MAP4: variants seen among roughly 807,000 people sequenced by gnomAD.
MAP4 encodes microtubule-associated protein 4.
A neutral mutation model predicts 170.2 loss-of-function variants in MAP4; 76 were observed. That is an observed-to-expected ratio of 0.45 (90% CI 0.37 to 0.54). MAP4 has a LOEUF of 0.54. Ranked by LOEUF, MAP4 falls within the 20% of genes least tolerant of loss-of-function variation. MAP4 has a pLI of 0.00. For synonymous variants in MAP4, 909 were observed against 994.5 expected (o/e 0.91, Z 1.62); for missense variants, 2,506 against 2,748.0 (o/e 0.91, Z 1.97).
At chr3:47,870,353 ACC>A (rs2089393082) in intron 15 of MAP4, among the ~76,000 whole-genome samples, 4 of 152,044 alleles carry the variant, frequency 2.6e-5, no homozygotes, top group Non-Finnish European at 5.9e-5. Context: ...ATAAGAGGAC[ACC>A]CTAGTCCTCT....
chr3:47,882,331 G>T (rs1425247442), intron 10 of MAP4, among the ~76,000 whole-genome samples: 2 of 151,864 alleles, frequency 1.3e-5, no homozygotes, highest in African/African-American at 4.8e-5. Context: ...GCTATGTTAA[G>T]GCTTAAGTCT....
At chr3:47,973,840 G>A in intron 3 of MAP4, 1 of 985,348 alleles carries the variant, frequency 1.0e-6, no homozygotes, top group Non-Finnish European at 1.2e-6. Flanking sequence ...AAGGGAAAGG[G>A]TTGTGTTTTC....
chr3:48,019,934 C>A (rs2100109756), upstream of MAP4, among the ~76,000 whole-genome samples: 1 of 152,334 alleles, frequency 6.6e-6, no homozygotes, highest in African/African-American at 2.4e-5. Context: ...AAGTTTCACT[C>A]TATTTTATAT....
intron 3 of MAP4, among the ~76,000 whole-genome samples, chr3:47,932,454 C>A (rs1228968146): frequency 1.3e-5 from 2 of 152,142 alleles, no homozygotes; most frequent in Non-Finnish European, 2.9e-5. Context: ...AGTAGAACTG[C>A]TGGGTCATAA....
At chr3:48,055,661 G>A (rs2100130726) in intron 1 of MAP4, among the ~76,000 whole-genome samples, 3 of 90,182 alleles carry the variant, frequency 3.3e-5, no homozygotes, top group African/African-American at 9.0e-5. Context: ...CTGCCTGGCC[G>A]CCCATCGTCT....
chr3:47,953,637 G>C lies in MAP4; in HGVS notation c.292+24228C>G, dbSNP rs532135935. ...GGCAATTCAAAAACTTAGGGAGATA[G>C]AAATGTTGGAATGGATTTTTCATGT... On this transcript the variant is annotated intron_variant, in intron 3 of 20. Coordinates refer to ENST00000683076, the MANE Select transcript of MAP4 (RefSeq NM_001385682.1). Among the ~76,000 whole-genome samples, 7 of 152,320 alleles carry C rather than the reference G, an allele frequency of 4.6e-5. No individual in the cohort carries two copies. In the South Asian group the frequency reaches 1.2e-3, roughly 27 times the overall value.
At chr3:47,930,047 C>G (rs1057385776) in intron 3 of MAP4, among the ~76,000 whole-genome samples, 4 of 151,966 alleles carry the variant, frequency 2.6e-5, no homozygotes, top group African/African-American at 9.6e-5. Context: ...GGATAATCAC[C>G]TGAGCCTGGG....
In MAP4 at chr3:47,927,914, C is replaced by T. The variant is rs1192675404; in HGVS notation, c.415+314G>A. Among the ~76,000 whole-genome samples, 6 of 152,202 alleles carry T rather than the reference C, an allele frequency of 3.9e-5. No homozygotes were observed. In the South Asian group the frequency reaches 8.3e-4, roughly 21 times the overall value. On this transcript the variant is annotated intron_variant, in intron 4 of 20. Transcript: ENST00000683076. ...TAGCACTGTGCCTGGCACAGAACAG[C>T]ACTGGTTTAACATTACCATAATAAT...
chr3:48,041,901 G>T (rs1176139589), intron 1 of MAP4, among the ~76,000 whole-genome samples: 2 of 152,168 alleles, frequency 1.3e-5, no homozygotes, highest in East Asian at 3.8e-4. Flanking sequence ...TGTGGTACTA[G>T]TATAAGCACA....
intron 3 of MAP4, among the ~76,000 whole-genome samples, chr3:47,959,939 TG>T (rs995118158): frequency 6.6e-6 from 1 of 152,038 alleles, no homozygotes; most frequent in Non-Finnish European, 1.5e-5. Context: ...CTTGGTTCAA[TG>T]AAACCTCTGC....
chr3:47,872,136 C>G, intron 12 of MAP4, 36 bp from the exon 13 acceptor site: 1 of 1,553,420 alleles, frequency 6.4e-7, no homozygotes. Flanking sequence ...GCCTGCAGGT[C>G]AGCAATAGCC....
intron 3 of MAP4, among the ~76,000 whole-genome samples, chr3:47,934,193 C>T (rs964587029): frequency 2.0e-5 from 3 of 152,180 alleles, no homozygotes; most frequent in Non-Finnish European, 2.9e-5. Flanking sequence ...ACTGAATCAA[C>T]AGCACCACAA....
intron 10 of MAP4, among the ~76,000 whole-genome samples, chr3:47,885,730 C>CTT (rs1163508790): frequency 5.1e-5 from 7 of 138,474 alleles, no homozygotes; most frequent in East Asian, 2.1e-4. Context: ...CGCCTTTGTT[C>CTT]TTTTTTTTTT....
At chr3:48,050,572 T>A (rs1481762905) in intron 1 of MAP4, among the ~76,000 whole-genome samples, 2 of 151,712 alleles carry the variant, frequency 1.3e-5, no homozygotes, top group Non-Finnish European at 2.9e-5. Context: ...ATTATCTGAT[T>A]TTCTTAGTGT....
intron 1 of MAP4, among the ~76,000 whole-genome samples, chr3:48,029,722 G>A (rs1025311320): frequency 1.8e-4 from 28 of 151,978 alleles, no homozygotes; most frequent in Admixed American, 1.8e-3. Flanking sequence ...GAGGTAGGTC[G>A]GGCACGGTGG....
At chr3:47,898,119 T>C (rs1272510673) in intron 10 of MAP4, among the ~76,000 whole-genome samples, 1 of 152,162 alleles carries the variant, frequency 6.6e-6, no homozygotes, top group Non-Finnish European at 1.5e-5. Context: ...TTCATGTGGC[T>C]TCTGAGTAGG....
rs1344615367 is a variant in MAP4, at chr3:47,910,176, T to C, written c.4245A>G (p.Thr1415=). ...MAYMDENRNI[T]FTCPRTPSEL... is the part of the protein sequence containing the mutation. The stretch of plus-strand genomic sequence containing the variant: ...CTGATGGTGTTCTGGGACAGGTAAA[T>C]GTAATATTTCTATTTTCGTCCATAT... Residue 1415 remains threonine (T), a synonymous_variant, in exon 9 of 21, where the codon ACA becomes ACG. Transcript: ENST00000683076. The C allele has an allele frequency of 1.2e-6, 2 of 1,613,840 alleles. No individual in the cohort carries two copies. Among genetic ancestry groups the C allele is most frequent in the African/African-American group, 1.3e-5 (1 of 74,920 alleles).
At chr3:47,933,511 C>T (rs1282721877) in intron 3 of MAP4, among the ~76,000 whole-genome samples, 1 of 151,920 alleles carries the variant, frequency 6.6e-6, no homozygotes, top group Non-Finnish European at 1.5e-5. Context: ...GATCATAGCT[C>T]ACTGCAGCCT....
intron 1 of MAP4, among the ~76,000 whole-genome samples, chr3:48,082,797 CAAAAAA>C (rs1294638726): frequency 2.0e-5 from 1 of 49,008 alleles, no homozygotes; most frequent in Non-Finnish European, 4.3e-5. Context: ...GACTTTGTCT[CAAAAAA>C]AAAAAAAAAA....
Sources: allele counts gnomAD v4.1 joint callset (sites outside exome capture counted in the v4.1 genomes callset), GRCh38; gene constraint gnomAD v4.1.1; transcripts MANE v1.5; gene names NCBI Gene and HGNC (gene_info 2026-07-23, HGNC 2026-07-21).